FMN1: variants seen among roughly 807,000 people sequenced by gnomAD.
The protein encoded by FMN1 is formin-1.
FMN1 carries 110 observed loss-of-function variants against 132.4 expected under a neutral mutation model. The observed-to-expected ratio is 0.83, with a 90% CI of 0.71 to 0.97. The LOEUF (loss-of-function observed/expected upper bound fraction) is 0.97. Ranked by LOEUF, FMN1 falls within the 50% of genes least tolerant of loss-of-function variation. The pLI, the probability that FMN1 is intolerant of heterozygous loss-of-function variation, is 0.00. For synonymous variants in FMN1, 722 were observed against 651.7 expected (o/e 1.11, Z -1.64); for missense variants, 1,792 against 1,705.3 (o/e 1.05, Z -0.90).
chr15:33,103,748 C>T (rs1566917876), intron 4 of FMN1, among the ~76,000 whole-genome samples: 1 of 152,046 alleles, frequency 6.6e-6, no homozygotes, highest in Admixed American at 6.6e-5. Flanking sequence ...ATGTTTTGTT[C>T]AGCAAAGTTA....
chr15:33,109,133 C>T (rs767920608), intron 4 of FMN1, among the ~76,000 whole-genome samples: 26 of 152,082 alleles, frequency 1.7e-4, no homozygotes, highest in Non-Finnish European at 3.1e-4. Context: ...GTGTGCTAGA[C>T]TCTATTCAAG....
At chr15:32,917,493 A>G (rs2060712041) in intron 10 of FMN1, among the ~76,000 whole-genome samples, 1 of 152,228 alleles carries the variant, frequency 6.6e-6, no homozygotes, top group Non-Finnish European at 1.5e-5. Flanking sequence ...GGGGATTAAT[A>G]CTTAATAACT....
chr15:33,162,104 TG>T (rs1481209582), intron 3 of FMN1, among the ~76,000 whole-genome samples: 2 of 152,084 alleles, frequency 1.3e-5, no homozygotes, highest in Admixed American at 1.3e-4. Context: ...CTCCAGCTTC[TG>T]GGCCCAGGCA....
intron 5 of FMN1, chr15:33,066,671 A>G (rs2037743057): frequency 6.2e-7 from 1 of 1,613,676 alleles, no homozygotes; most frequent in Non-Finnish European, 8.5e-7. Context: ...TAGGGCTTTA[A>G]AAGCCTCCAG....
intron 6 of FMN1, among the ~76,000 whole-genome samples, chr15:33,039,920 C>T (rs1288821038): frequency 6.6e-6 from 1 of 152,194 alleles, no homozygotes; most frequent in African/African-American, 2.4e-5. Flanking sequence ...CACCTTCCTC[C>T]CAGACTCATA....
At chr15:32,807,091 T>A (rs912942464) in intron 17 of FMN1, among the ~76,000 whole-genome samples, 1 of 152,216 alleles carries the variant, frequency 6.6e-6, no homozygotes, top group South Asian at 2.1e-4. Flanking sequence ...TAAAAATGCA[T>A]ATATTGGATA....
chr15:32,880,530 C>T (rs2059744792), intron 16 of FMN1, among the ~76,000 whole-genome samples: 1 of 152,196 alleles, frequency 6.6e-6, no homozygotes, highest in Admixed American at 6.5e-5. Flanking sequence ...CATTCACCTT[C>T]CTTCTCCACT....
intron 19 of FMN1, among the ~76,000 whole-genome samples, chr15:32,789,782 A>G (rs1387977739): frequency 1.3e-5 from 2 of 152,038 alleles, no homozygotes; most frequent in African/African-American, 4.8e-5. Context: ...ACCATTTTCT[A>G]TCTTTTATAC....
intron 9 of FMN1, among the ~76,000 whole-genome samples, chr15:32,948,565 G>A (rs183601088): frequency 1.8e-3 from 278 of 151,884 alleles, no homozygotes; most frequent in Middle Eastern, 6.8e-3. Context: ...TAATATTTAC[G>A]GAACCATTCA....
At chr15:33,005,332 C>T (rs2034358395) in intron 7 of FMN1, among the ~76,000 whole-genome samples, 1 of 151,984 alleles carries the variant, frequency 6.6e-6, no homozygotes, top group Non-Finnish European at 1.5e-5. Flanking sequence ...TTTAAGTGTA[C>T]TAGTATCATC....
At chr15:32,902,213 C>T (rs1422383973) in intron 12 of FMN1, among the ~76,000 whole-genome samples, 173 bp from the exon 13 acceptor site, 1 of 152,142 alleles carries the variant, frequency 6.6e-6, no homozygotes, top group East Asian at 1.9e-4. Context: ...CCATTGTTGA[C>T]AACAGGGCTG....
chr15:33,159,784 T>C (rs1964815801), intron 3 of FMN1, among the ~76,000 whole-genome samples: 2 of 152,216 alleles, frequency 1.3e-5, no homozygotes, highest in Admixed American at 6.5e-5. Context: ...GAGGAAGATA[T>C]AGGAGGAGTC....
intron 7 of FMN1, among the ~76,000 whole-genome samples, chr15:32,985,212 C>T (rs1323709404): frequency 1.3e-5 from 2 of 152,012 alleles, no homozygotes; most frequent in African/African-American, 2.4e-5. Context: ...CCTAAACTAC[C>T]CAATTTGGTG....
intron 16 of FMN1, among the ~76,000 whole-genome samples, chr15:32,869,745 T>G (rs1482385344): frequency 1.3e-5 from 2 of 152,024 alleles, no homozygotes; most frequent in Non-Finnish European, 2.9e-5. Flanking sequence ...AAAGTGAAGG[T>G]CTGGAGTTAC....
intron 3 of FMN1, among the ~76,000 whole-genome samples, chr15:33,173,549 G>T (rs1252972372): frequency 6.6e-6 from 1 of 152,204 alleles, no homozygotes; most frequent in Non-Finnish European, 1.5e-5. Context: ...CCATTTTAAT[G>T]CAGGGCACCA....
chr15:32,834,610 A>ATGTGGC (rs1323271845), intron 17 of FMN1, among the ~76,000 whole-genome samples: 2 of 152,206 alleles, frequency 1.3e-5, no homozygotes, highest in African/African-American at 2.4e-5. Context: ...CTTTCTCCAA[A>ATGTGGC]TGTGGCTGAA....
At chr15:33,082,442 C>G (rs1025404066) in intron 5 of FMN1, among the ~76,000 whole-genome samples, 1 of 152,104 alleles carries the variant, frequency 6.6e-6, no homozygotes, top group Admixed American at 6.5e-5. Context: ...TCTTTGTTTT[C>G]AATTTCAGGC....
intron 4 of FMN1, among the ~76,000 whole-genome samples, chr15:33,128,280 G>A (rs551627162): frequency 1.3e-4 from 20 of 152,306 alleles, no homozygotes; most frequent in African/African-American, 4.8e-4. Flanking sequence ...AAGCGCAACA[G>A]TTGGGAATTT....
chr15:33,056,424 G>A (rs1246608682), intron 6 of FMN1, among the ~76,000 whole-genome samples: 1 of 152,224 alleles, frequency 6.6e-6, no homozygotes, highest in African/African-American at 2.4e-5. Flanking sequence ...AAAGGAAAAT[G>A]ACATACAGAA....
Sources: allele counts gnomAD v4.1 joint callset (sites outside exome capture counted in the v4.1 genomes callset), GRCh38; gene constraint gnomAD v4.1.1; transcripts MANE v1.5; gene names NCBI Gene and HGNC (gene_info 2026-07-23, HGNC 2026-07-21).